The following PDE2A variants were observed in gnomAD, a reference collection of about 807,000 sequenced individuals.
The protein encoded by PDE2A is cGMP-dependent 3',5'-cyclic phosphodiesterase.
In PDE2A, 53 loss-of-function variants were observed where a neutral mutation model predicts 133.6. The observed-to-expected ratio is 0.40, with a 90% CI of 0.32 to 0.50. The LOEUF (loss-of-function observed/expected upper bound fraction) is 0.50, where lower values mean the gene tolerates loss of function less well. Ranked by LOEUF, PDE2A falls within the 20% of genes least tolerant of loss-of-function variation. The pLI is 0.73. For missense variants in PDE2A, 796 were observed against 1,232.4 expected, an observed-to-expected ratio of 0.65 and a Z score of 5.30; for synonymous variants, 491 against 490.2, an observed-to-expected ratio of 1.00 and a Z score of -0.02.
intron 1 of PDE2A, 122 bp from the exon 2 acceptor site, chr11:72,642,448 G>T (rs1591122219): frequency 8.8e-7 from 1 of 1,130,276 alleles, no homozygotes. Context: ...AGCTTCGCCT[G>T]GTCCGCCCGA....
At chr11:72,623,946 C>G (rs1168515936) in intron 2 of PDE2A, among the ~76,000 whole-genome samples, 1 of 152,034 alleles carries the variant, frequency 6.6e-6, no homozygotes, top group Non-Finnish European at 1.5e-5. Flanking sequence ...CCCTGCCACG[C>G]ACCATGCACA....
intron 3 of PDE2A, among the ~76,000 whole-genome samples, chr11:72,605,682 A>C (rs914569876): frequency 6.6e-6 from 1 of 152,208 alleles, no homozygotes; most frequent in Non-Finnish European, 1.5e-5. Context: ...CCTCTACAAG[A>C]AACCACACAC....
chr11:72,651,482 G>A (rs341037), intron 1 of PDE2A, among the ~76,000 whole-genome samples: 5 of 152,128 alleles, frequency 3.3e-5, no homozygotes, highest in African/African-American at 1.2e-4. Flanking sequence ...CGCAGGGAGA[G>A]GCCAGGGTCT....
intron 2 of PDE2A, among the ~76,000 whole-genome samples, chr11:72,626,607 C>T (rs990591565): frequency 3.3e-5 from 5 of 152,168 alleles, no homozygotes; most frequent in African/African-American, 1.2e-4. Flanking sequence ...AAGCTATGCT[C>T]GTATACTCGG....
At chr11:72,653,826 A>C (rs1854816543) in intron 1 of PDE2A, among the ~76,000 whole-genome samples, 1 of 152,222 alleles carries the variant, frequency 6.6e-6, no homozygotes, top group Non-Finnish European at 1.5e-5. Flanking sequence ...CTGGGCACAG[A>C]AGCTCAGAAG....
rs201805080 is a variant in PDE2A at position 72,589,828 on chromosome 11, A to G, written c.832-36T>C. ...GAGTGCAGGGGGCTGGTTAAAGGAA[A>G]GGCAATGGATTTCCCCCTCGGAGAC... On this transcript the variant is annotated intron_variant, in intron 10 of 30. Transcript: ENST00000334456. The G allele has an allele frequency of 5.0e-6, 8 of 1,612,282 alleles. No homozygotes were observed. In the East Asian group the frequency reaches 1.3e-4, roughly 27 times the overall value.
intron 4 of PDE2A, 24 bp downstream of exon 4, chr11:72,605,114 A>G: frequency 6.7e-7 from 1 of 1,503,278 alleles, no homozygotes; most frequent in Non-Finnish European, 9.2e-7. Context: ...CAAGAGGGCA[A>G]TGGGGGTGCA....
chr11:72,648,168 A>G (rs748581737), intron 1 of PDE2A, among the ~76,000 whole-genome samples: 10 of 152,296 alleles, frequency 6.6e-5, no homozygotes, highest in African/African-American at 1.9e-4. Flanking sequence ...GGGTCCTCCA[A>G]TACCAGGATC....
chr11:72,660,434 C>G (rs1242024220), intron 1 of PDE2A, among the ~76,000 whole-genome samples: 1 of 152,166 alleles, frequency 6.6e-6, no homozygotes, highest in African/African-American at 2.4e-5. Context: ...CAAGGACTCA[C>G]TAGGCACCTT....
At chr11:72,621,924 A>G (rs1386625648) in intron 2 of PDE2A, 1 of 152,232 alleles carries the variant, frequency 6.6e-6, no homozygotes, top group East Asian at 1.9e-4. Context: ...TGGGAGAAAA[A>G]TATTTGCAAA....
Position 72,577,399 on chromosome 11 carries a change from G to C in PDE2A, c.2811C>G (p.Ser937Arg). Reference protein sequence around the residue: ...GTRAPINGCCSLDAE With the variant: ...GTRAPINGCCRLDAE ...CTGGAGGGGATCACTCAGCATCAAG[G>C]CTGCAGCAGCCATTGATGGGGGCCC... Residue 937 changes from serine (S) to arginine (R), a missense_variant, in exon 31 of 31, where the codon AGC (serine) becomes AGG (arginine). Coordinates refer to ENST00000334456, the MANE Select transcript of PDE2A (RefSeq NM_002599.5). 6.2e-7 allele frequency: 1 copy of C among 1,613,186 alleles called. No homozygotes were observed. Among genetic ancestry groups the C allele is most frequent in the Non-Finnish European group, 8.5e-7 (1 of 1,179,578 alleles).
rs12290945 is a variant in PDE2A, at chr11:72,597,854, G to A, written c.324-235C>T. ...TGGTGCCCCTTGCTGGTAAAGGCTC[G>A]GGTGGGGCCCAGTGCAGATCTTCCA... On this transcript the variant is annotated intron_variant, in intron 4 of 30. Transcript: ENST00000334456. This position sits in a 1 kb window ranked among gnomAD's most constrained non-coding sequence, Gnocchi z 4.6. 8.0e-3 allele frequency among the ~76,000 whole-genome samples: 1,212 copies of A among 152,276 alleles called. 25 individuals are homozygous for A. The highest frequency in any genetic ancestry group is 0.027 in the African/African-American group (1,142 of 41,546).
At chr11:72,579,071 G>T in intron 27 of PDE2A, 62 bp from the exon 28 acceptor site, 3 of 1,262,976 alleles carry the variant, frequency 2.4e-6, no homozygotes, top group Non-Finnish European at 3.5e-6. Flanking sequence ...CTGAGGACAA[G>T]GCTCCCAGGG....
intron 2 of PDE2A, among the ~76,000 whole-genome samples, chr11:72,629,211 G>C (rs1367070142): frequency 6.6e-6 from 1 of 152,128 alleles, no homozygotes; most frequent in African/African-American, 2.4e-5. Flanking sequence ...TCATGGGAAG[G>C]ACGAGGCCGG....
At position 72,660,093 on chromosome 11, in the gene PDE2A, A is replaced by G. The variant is rs556451841; in HGVS notation, c.71+14044T>C. On this transcript the variant is annotated intron_variant, in intron 1 of 30. Coordinates refer to ENST00000334456, the MANE Select transcript of PDE2A (RefSeq NM_002599.5). ...TCCCCCTCAAAGGGACTGACTACAA[A>G]GGGCACAAGGGAAGTTTGCCAGGAT... is the stretch of plus-strand genomic sequence containing the variant. 7.2e-5 allele frequency among the ~76,000 whole-genome samples: 11 copies of G among 152,306 alleles called. No homozygotes were observed. The East Asian group carries it at 2.1e-3, about 29-fold the overall frequency.
intron 1 of PDE2A, among the ~76,000 whole-genome samples, chr11:72,671,340 A>G (rs909263441): frequency 1.3e-5 from 2 of 152,236 alleles, no homozygotes; most frequent in Non-Finnish European, 2.9e-5. Flanking sequence ...TGAATGCAGC[A>G]ATGGAATCAT....
chr11:72,670,969 C>T (rs1361254299), intron 1 of PDE2A, among the ~76,000 whole-genome samples: 10 of 152,182 alleles, frequency 6.6e-5, no homozygotes, highest in African/African-American at 1.7e-4. Context: ...ATGACCCAAA[C>T]GCCCTTACTG....
intron 1 of PDE2A, chr11:72,668,979 T>C: frequency 7.0e-6 from 7 of 1,003,004 alleles, no homozygotes; most frequent in Non-Finnish European, 8.3e-6. Flanking sequence ...GTGTGGCTGA[T>C]CGTGGGTGGT....
intron 3 of PDE2A, among the ~76,000 whole-genome samples, chr11:72,605,661 T>A (rs1856937831): frequency 6.6e-6 from 1 of 152,118 alleles, no homozygotes; most frequent in African/African-American, 2.4e-5. Flanking sequence ...CTAGGAAGCA[T>A]CCCTCCTTCA....
Sources: allele counts gnomAD v4.1 joint callset (sites outside exome capture counted in the v4.1 genomes callset), GRCh38; gene constraint gnomAD v4.1.1; non-coding constraint Gnocchi (gnomAD v3.1); transcripts MANE v1.5; gene names NCBI Gene and HGNC (gene_info 2026-07-23, HGNC 2026-07-21).